RELN: variants seen among roughly 807,000 people sequenced by gnomAD.
RELN encodes the protein reelin.
A neutral mutation model predicts 427.6 loss-of-function variants in RELN; 108 were observed. That is an observed-to-expected ratio of 0.25 (90% CI 0.22 to 0.30). RELN has a LOEUF of 0.30. RELN is among the 10% of genes least tolerant of loss of function. RELN has a pLI of 1.00. For missense variants in RELN, 3,715 were observed against 4,302.8 expected (o/e 0.86, Z 3.82); for synonymous variants, 1,524 against 1,513.4 (o/e 1.01, Z -0.16).
chr7:103,534,372 A>G (rs1214496865), intron 46 of RELN, among the ~76,000 whole-genome samples: 1 of 152,240 alleles, frequency 6.6e-6, no homozygotes, highest in Non-Finnish European at 1.5e-5. Flanking sequence ...GTCATGTAAC[A>G]CTATTCCACT....
intron 40 of RELN, among the ~76,000 whole-genome samples, chr7:103,552,320 C>A (rs1830431444): frequency 6.6e-6 from 1 of 152,106 alleles, no homozygotes; most frequent in Non-Finnish European, 1.5e-5. Flanking sequence ...AGCATAGGAA[C>A]CACTTATTGA....
intron 1 of RELN, among the ~76,000 whole-genome samples, chr7:103,987,072 T>TAAAAAA (rs1274516202): frequency 1.9e-5 from 1 of 52,822 alleles, no homozygotes; most frequent in East Asian, 3.5e-3. Context: ...TAGAACATTT[T>TAAAAAA]ACAAAAAAAA....
intron 13 of RELN, among the ~76,000 whole-genome samples, chr7:103,653,146 A>G (rs949551934): frequency 4.6e-5 from 7 of 152,100 alleles, no homozygotes; most frequent in Non-Finnish European, 1.0e-4. Context: ...ATTGGTATCA[A>G]GCTAAGGGCT....
chr7:103,621,162 A>G (rs1465760106), intron 20 of RELN, among the ~76,000 whole-genome samples: 2 of 152,174 alleles, frequency 1.3e-5, no homozygotes, highest in African/African-American at 4.8e-5. Flanking sequence ...TAAGTATTTT[A>G]GGTTGCAAAA....
chr7:103,473,834 A>G (rs1029294558), intron 64 of RELN, among the ~76,000 whole-genome samples: 1 of 152,188 alleles, frequency 6.6e-6, no homozygotes, highest in Non-Finnish European at 1.5e-5. Flanking sequence ...TGTGGCATCA[A>G]TATGTGGTTT....
chr7:103,686,680 G>A (rs1465987586), intron 10 of RELN, among the ~76,000 whole-genome samples: 1 of 152,056 alleles, frequency 6.6e-6, no homozygotes, highest in Non-Finnish European at 1.5e-5. Context: ...ATTGGAAATT[G>A]ACTAATTTAT....
At chr7:103,622,014 T>C (rs1562927252) in intron 20 of RELN, among the ~76,000 whole-genome samples, 1 of 152,030 alleles carries the variant, frequency 6.6e-6, no homozygotes, top group Non-Finnish European at 1.5e-5. Context: ...AGACTCTGTC[T>C]CAAAAAAATA....
chr7:103,560,017 C>G (rs557318946), intron 36 of RELN, among the ~76,000 whole-genome samples: 109 of 152,266 alleles, frequency 7.2e-4, no homozygotes, highest in African/African-American at 2.5e-3. Flanking sequence ...TGAAAGTGAG[C>G]ATGATTTGTA....
intron 3 of RELN, among the ~76,000 whole-genome samples, chr7:103,820,938 C>T (rs1390023282): frequency 2.6e-5 from 4 of 152,028 alleles, no homozygotes; most frequent in Non-Finnish European, 5.9e-5. Context: ...TTTATCGAAC[C>T]TTTACAAATG....
chr7:103,640,639 C>CA lies in RELN; in HGVS notation c.2003-31dup. 6.2e-7 allele frequency: 1 copy of CA among 1,609,154 alleles called. No homozygotes were observed. The highest frequency in any genetic ancestry group is 8.5e-7 in the Non-Finnish European group (1 of 1,176,306). ...GGGAGGGAAAAAGAGAACATAATTACAAAAACATAGAACACTACCAGTACA... is the reference window on the plus strand; with the variant it reads ...GGGAGGGAAAAAGAGAACATAATTACAAAAAACATAGAACACTACCAGTACA... On this transcript the variant is annotated intron_variant, in intron 16 of 64. Coordinates refer to ENST00000428762, the MANE Select transcript of RELN (RefSeq NM_005045.4). This position sits in a 1 kb window ranked among gnomAD's most constrained non-coding sequence, Gnocchi z 4.1.
chr7:103,523,587 C>T, intron 46 of RELN, 56 bp from the exon 47 acceptor site: 1 of 1,590,544 alleles, frequency 6.3e-7, no homozygotes, highest in Non-Finnish European at 8.6e-7. Flanking sequence ...AAATGTGTTC[C>T]AGTATGTTTG....
chr7:103,725,966 C>T, intron 7 of RELN, among the ~76,000 whole-genome samples: 1 of 152,126 alleles, frequency 6.6e-6, no homozygotes, highest in African/African-American at 2.4e-5. Flanking sequence ...AGGTTCTTTG[C>T]TCGTGGTTCT....
Position 103,860,626 on chromosome 7 carries a change from T to C in RELN, c.338-26954A>G, listed in dbSNP as rs537046623. Reference sequence around the variant, plus strand: ...GTGGCTTATATTGGCTAGAGAAAGCTGATTGTACACATCTCTTCCCAAGAT... The same window carrying C: ...GTGGCTTATATTGGCTAGAGAAAGCCGATTGTACACATCTCTTCCCAAGAT... On this transcript the variant is annotated intron_variant, in intron 2 of 64. Coordinates refer to ENST00000428762, the MANE Select transcript of RELN (RefSeq NM_005045.4). Among the ~76,000 whole-genome samples, 14 of 152,282 alleles carry C rather than the reference T, an allele frequency of 9.2e-5. No homozygotes were observed. The East Asian group carries it at 2.3e-3, about 25-fold the overall frequency.
rs531888530 is a variant in RELN, at chr7:103,596,212, G to A, written c.3539+244C>T. Among the ~76,000 whole-genome samples, 5 of 152,120 alleles carry A rather than the reference G, an allele frequency of 3.3e-5. No individual in the cohort carries two copies. In the South Asian group the frequency reaches 8.3e-4, roughly 25 times the overall value. ...GTTTCTTTGAGTAAACAGTGGTTAC[G>A]TATCTTGCTTTTCTTCTAGTCACAA... On this transcript the variant is annotated intron_variant, in intron 25 of 64. Coordinates refer to ENST00000428762, the MANE Select transcript of RELN (RefSeq NM_005045.4).
intron 13 of RELN, among the ~76,000 whole-genome samples, chr7:103,653,140 G>A (rs1319873249): frequency 6.6e-6 from 1 of 152,024 alleles, no homozygotes; most frequent in East Asian, 1.9e-4. Flanking sequence ...AAGTGGATTG[G>A]TATCAAGCTA....
intron 2 of RELN, among the ~76,000 whole-genome samples, chr7:103,850,563 C>T (rs187029531): frequency 1.1e-4 from 17 of 152,268 alleles, no homozygotes; most frequent in Non-Finnish European, 2.4e-4. Context: ...TCTAGCTGAA[C>T]TTTGTAGCAA....
chr7:103,950,147 C>T (rs1796304869), intron 1 of RELN, among the ~76,000 whole-genome samples: 3 of 152,128 alleles, frequency 2.0e-5, no homozygotes, highest in Admixed American at 6.6e-5. Context: ...GGGCTAGTAG[C>T]TTTCTGGGCT....
At chr7:103,613,657 G>A (rs1413909152) in intron 20 of RELN, among the ~76,000 whole-genome samples, 3 of 152,110 alleles carry the variant, frequency 2.0e-5, no homozygotes, top group Non-Finnish European at 4.4e-5. Context: ...TCCTTTATGA[G>A]GAAGATACTT....
At chr7:103,589,244 A>G (rs2058378) in intron 28 of RELN, among the ~76,000 whole-genome samples, 114,398 of 152,074 alleles carry the variant, frequency 0.75, 43,556 homozygotes, top group African/African-American at 0.86. Flanking sequence ...AGTGCAAACA[A>G]TTACCCACCA....
Sources: allele counts gnomAD v4.1 joint callset (sites outside exome capture counted in the v4.1 genomes callset), GRCh38; gene constraint gnomAD v4.1.1; non-coding constraint Gnocchi (gnomAD v3.1); transcripts MANE v1.5; gene names NCBI Gene and HGNC (gene_info 2026-07-23, HGNC 2026-07-21).